The following SLC39A6 variants were observed in gnomAD, a reference collection of about 807,000 sequenced individuals.
The protein encoded by SLC39A6 is zinc transporter ZIP6.
A neutral mutation model predicts 63.5 loss-of-function variants in SLC39A6; 51 were observed. That is an observed-to-expected ratio of 0.80 (90% CI 0.64 to 1.01). The LOEUF (loss-of-function observed/expected upper bound fraction) is 1.01, where lower values mean the gene tolerates loss of function less well. Among genes scored for constraint, SLC39A6 ranks in the 50% least tolerant of loss-of-function variants. SLC39A6 has a pLI of 0.00. For missense variants in SLC39A6, 805 were observed against 927.8 expected (o/e 0.87, Z 1.72); for synonymous variants, 318 against 324.7 (o/e 0.98, Z 0.22).
intron 8 of SLC39A6, 77 bp from the exon 9 acceptor site, chr18:36,111,326 AT>A: frequency 7.1e-7 from 1 of 1,413,670 alleles, no homozygotes; most frequent in Middle Eastern, 1.8e-4. Flanking sequence ...TACTTCCCAG[AT>A]TTAAGAAAAT....
intron 5 of SLC39A6, among the ~76,000 whole-genome samples, chr18:36,119,504 C>T (rs2089373390): frequency 6.6e-6 from 1 of 152,066 alleles, no homozygotes; most frequent in South Asian, 2.1e-4. Context: ...CATCAAACTA[C>T]TCTGACTATG....
chr18:36,128,739 A>T (rs2089478444), intron 1 of SLC39A6, among the ~76,000 whole-genome samples: 1 of 152,178 alleles, frequency 6.6e-6, no homozygotes, highest in Admixed American at 6.5e-5. Context: ...TGGAGGAAAA[A>T]GGAAAGCAGA....
In SLC39A6 at chr18:36,126,571, C is replaced by A; in HGVS notation, c.437G>T (p.Cys146Phe). The change falls in exon 2 of 10, where the codon TGC becomes TTC. Residue 146 changes from cysteine to phenylalanine, a missense_variant. By Grantham distance (205) the Cys-to-Phe change is radical. Coordinates refer to ENST00000269187, the MANE Select transcript of SLC39A6 (RefSeq NM_012319.4). ...TGAACTATCTGAGTCATGGTCTGGG[C>A]AAAGAGCTTTTCGCTTATTTTTACC... is the stretch of plus-strand genomic sequence containing the variant. Reference protein sequence around the residue: ...ASGKNKRKALCPDHDSDSSGK... With the variant: ...ASGKNKRKALFPDHDSDSSGK... 2 of 1,614,162 alleles carry A rather than the reference C, an allele frequency of 1.2e-6. No homozygotes were observed. Among genetic ancestry groups the A allele is most frequent in the East Asian group, 2.2e-5 (1 of 44,884 alleles).
At chr18:36,120,833 G>A (rs1785914) in intron 5 of SLC39A6, among the ~76,000 whole-genome samples, 45,582 of 151,970 alleles carry the variant, frequency 0.3, 7,242 homozygotes, top group Middle Eastern at 0.46. Flanking sequence ...TGAATACTTG[G>A]AAGATTCAAA....
At chr18:36,113,148 A>G (rs1157960598) in intron 7 of SLC39A6, among the ~76,000 whole-genome samples, 1 of 151,872 alleles carries the variant, frequency 6.6e-6, no homozygotes, top group Non-Finnish European at 1.5e-5. Context: ...AGGTTGGAGT[A>G]TAGTGGTGAG....
chr18:36,117,659 TCAC>T (rs1209995727), intron 5 of SLC39A6, among the ~76,000 whole-genome samples: 19 of 152,218 alleles, frequency 1.2e-4, no homozygotes, highest in Non-Finnish European at 2.5e-4. Context: ...AATATGATGA[TCAC>T]CACCATACCT....
chr18:36,113,992 T>A (rs2089322517), intron 7 of SLC39A6, 105 bp downstream of exon 7: 1 of 1,369,704 alleles, frequency 7.3e-7, no homozygotes, highest in Non-Finnish European at 9.7e-7. Context: ...TGGAAGTCAC[T>A]AATATCCTCA....
chr18:36,115,561 G>A (rs1157137773), intron 6 of SLC39A6, among the ~76,000 whole-genome samples: 1 of 152,138 alleles, frequency 6.6e-6, no homozygotes, highest in African/African-American at 2.4e-5. Context: ...GCTGAGGGAA[G>A]GCCTCTAAAG....
intron 8 of SLC39A6, 49 bp downstream of exon 8, chr18:36,112,452 C>T: frequency 1.5e-6 from 2 of 1,377,464 alleles, no homozygotes; most frequent in Non-Finnish European, 2.1e-6. Flanking sequence ...GCCAGTGACA[C>T]TAGAACATTT....
chr18:36,111,537 G>A (rs904434737), intron 8 of SLC39A6, among the ~76,000 whole-genome samples: 1 of 144,966 alleles, frequency 6.9e-6, no homozygotes, highest in African/African-American at 2.6e-5. Context: ...AGGCTGGAGT[G>A]CAGTGGCACC....
intron 6 of SLC39A6, among the ~76,000 whole-genome samples, chr18:36,114,825 TTAAAA>T (rs1315130368): frequency 1.3e-5 from 2 of 152,208 alleles, no homozygotes; most frequent in Non-Finnish European, 2.9e-5. Flanking sequence ...GTTATGTTAT[TTAAAA>T]TATTTATTTT....
At position 36,109,298 on chromosome 18, in the gene SLC39A6, A is replaced by G; in HGVS notation, c.*295T>C. On this transcript the variant is annotated 3_prime_UTR_variant, in exon 10 of 10. Transcript: ENST00000269187. ...GAATAACTGTGTTAGTTCTTGAAAA[A>G]GCATTAAAGACATTTTTCCCTGAAA... is the stretch of plus-strand genomic sequence containing the variant. 1 of 197,030 alleles carries G rather than the reference A, an allele frequency of 5.1e-6. No homozygotes were observed. Among genetic ancestry groups the G allele is most frequent in the Non-Finnish European group, 1.0e-5 (1 of 97,290 alleles). 12.2% of individuals were successfully genotyped at this position (197,030 alleles called of 1,614,324 possible).
chr18:36,110,139 C>A (rs899233127), intron 9 of SLC39A6, among the ~76,000 whole-genome samples: 4 of 151,912 alleles, frequency 2.6e-5, no homozygotes, highest in Non-Finnish European at 4.4e-5. Context: ...TGATTGCTTA[C>A]AAAGTAAAAA....
At chr18:36,112,871 C>T (rs192399637) in intron 7 of SLC39A6, among the ~76,000 whole-genome samples, 3 of 152,216 alleles carry the variant, frequency 2.0e-5, no homozygotes, top group Admixed American at 2.0e-4. Context: ...ATATAAAAGG[C>T]ATATTCAAGA....
At chr18:36,120,767 A>G (rs2089386842) in intron 5 of SLC39A6, among the ~76,000 whole-genome samples, 1 of 152,222 alleles carries the variant, frequency 6.6e-6, no homozygotes, top group African/African-American at 2.4e-5. Flanking sequence ...TGCTAGGATC[A>G]TAGGCGTGAG....
chr18:36,121,284 G>A (rs2089391793), intron 5 of SLC39A6, among the ~76,000 whole-genome samples: 1 of 152,036 alleles, frequency 6.6e-6, no homozygotes, highest in Admixed American at 6.6e-5. Flanking sequence ...AGCCTCCCAA[G>A]TAGCTGAGAT....
In SLC39A6 at chr18:36,109,437, C is replaced by A. The variant is rs1297267986; in HGVS notation, c.*156G>T. The A allele has an allele frequency of 5.6e-6, 3 of 531,938 alleles. No individual in the cohort carries two copies. Among genetic ancestry groups the A allele is most frequent in the Non-Finnish European group, 9.9e-6 (3 of 304,480 alleles). The allele number at this position is 531,938 out of a possible 1,614,324, so 33.0% of individuals were successfully genotyped here. A position where few individuals can be genotyped will look rare whatever the true frequency, so the allele number is the denominator to read the frequency against. ...AGAATAACTTAAATATTAAAACGTA[C>A]CTTTAACTGACTTTGTAACAGACAG... On this transcript the variant is annotated 3_prime_UTR_variant, in exon 10 of 10. Transcript: ENST00000269187.
intron 7 of SLC39A6, among the ~76,000 whole-genome samples, chr18:36,113,466 C>T (rs2089318533): frequency 6.6e-6 from 1 of 152,260 alleles, no homozygotes; most frequent in African/African-American, 2.4e-5. Flanking sequence ...AGAGGAAGAG[C>T]ACTCGACTCC....
At chr18:36,117,275 C>T (rs916206373) in intron 5 of SLC39A6, among the ~76,000 whole-genome samples, 1 of 152,138 alleles carries the variant, frequency 6.6e-6, no homozygotes, top group Non-Finnish European at 1.5e-5. Flanking sequence ...GCATTTCCTT[C>T]AGGCATCTAG....
Sources: gnomAD v4.1 joint callset for allele counts (sites outside exome capture counted in the v4.1 genomes callset) on GRCh38, gnomAD v4.1.1 for gene constraint, MANE v1.5 for transcripts, NCBI Gene and HGNC (gene_info 2026-07-23, HGNC 2026-07-21) for gene names.